EZR: variants seen among roughly 807,000 people sequenced by gnomAD.
EZR encodes cytovillin 2.
Under a neutral mutation model 74.8 loss-of-function variants are expected in EZR, and 40 were observed. The ratio of observed to expected loss-of-function variants is 0.53; its 90% CI spans 0.42 to 0.70. EZR has a LOEUF of 0.70. EZR is among the 30% of genes least tolerant of loss of function. The pLI, the probability that EZR is intolerant of heterozygous loss-of-function variation, is 0.00. For missense variants in EZR, 678 were observed against 755.8 expected (o/e 0.90, Z 1.21); for synonymous variants, 341 against 283.3 (o/e 1.20, Z -2.05).
At chr6:158,769,483 G>A (rs1791027673) in intron 11 of EZR, 65 bp from the exon 12 acceptor site, 1 of 1,493,540 alleles carries the variant, frequency 6.7e-7, no homozygotes, top group Non-Finnish European at 9.2e-7. Context: ...AGTTGTGAAT[G>A]AGTGTTCATG....
chr6:158,812,240 C>G (rs1777464933), intron 2 of EZR, among the ~76,000 whole-genome samples: 1 of 152,186 alleles, frequency 6.6e-6, no homozygotes, highest in Non-Finnish European at 1.5e-5. Flanking sequence ...GGCATTTCAG[C>G]CGGACTGTAA....
At chr6:158,785,710 A>G in intron 4 of EZR, 127 bp from the exon 5 acceptor site, 1 of 1,247,152 alleles carries the variant, frequency 8.0e-7, no homozygotes, top group South Asian at 1.5e-5. Flanking sequence ...TTATTCTTAA[A>G]GTCATCTTTT....
chr6:158,777,922 A>G, intron 7 of EZR, among the ~76,000 whole-genome samples: 1 of 150,494 alleles, frequency 6.6e-6, no homozygotes, highest in Non-Finnish European at 1.5e-5. Flanking sequence ...TTAAAAAAAA[A>G]CACACCTGGC....
intron 5 of EZR, 54 bp from the exon 6 acceptor site, chr6:158,784,781 G>A: frequency 1.3e-6 from 2 of 1,490,042 alleles, no homozygotes; most frequent in South Asian, 1.1e-5. Flanking sequence ...GACAGGCAAG[G>A]AAGGAGGCCC....
rs192713832 is a variant in EZR, at chr6:158,767,417, C to T, written c.1440G>A (p.Pro480=). 846 of 1,576,582 alleles carry T rather than the reference C, an allele frequency of 5.4e-4. 1 individual carries two copies. The highest frequency in any genetic ancestry group is 6.4e-4 in the Non-Finnish European group (736 of 1,153,360). ...AGCTCTCCTGGACATGGTAGCTCAC[C>T]GGCTCGTACACGGGGGGTGGTGGGG... The part of the protein sequence containing the change: ...PPPPPPPVYE[P]VSYHVQESLQ... The change falls in exon 13 of 14, where the codon CCG becomes CCA. Residue 480 remains proline (P), a synonymous_variant. Coordinates refer to ENST00000367075, the MANE Select transcript of EZR (RefSeq NM_001111077.2).
At chr6:158,796,969 T>C (rs924250535) in intron 2 of EZR, among the ~76,000 whole-genome samples, 4 of 152,212 alleles carry the variant, frequency 2.6e-5, no homozygotes, top group African/African-American at 9.7e-5. Context: ...AAGTTGACAA[T>C]CAAATTTTGT....
intron 3 of EZR, 122 bp downstream of exon 3, chr6:158,789,166 C>CT: frequency 1.5e-6 from 1 of 678,282 alleles, no homozygotes; most frequent in East Asian, 2.8e-5. Context: ...TTAAAAGATC[C>CT]TTCTCATCTA....
chr6:158,805,337 GAA>G (rs56269785), intron 2 of EZR, among the ~76,000 whole-genome samples: 1,666 of 116,430 alleles, frequency 0.014, 32 homozygotes, highest in African/African-American at 0.055. Context: ...TCCATCTCAG[GAA>G]AAAAAAAAAA....
At chr6:158,788,250 G>A (rs1403943722) in intron 3 of EZR, 1 of 152,150 alleles carries the variant, frequency 6.6e-6, no homozygotes, top group African/African-American at 2.4e-5. Flanking sequence ...CATCTGAAGG[G>A]TGCAGGGAGG....
At chr6:158,775,346 AAAG>A (rs1437685625) in intron 8 of EZR, among the ~76,000 whole-genome samples, 1 of 152,202 alleles carries the variant, frequency 6.6e-6, no homozygotes, top group Non-Finnish European at 1.5e-5. Context: ...CGTTTTTAAC[AAAG>A]AAGAAAATAC....
rs1315726896 is a variant in EZR at position 158,766,026 on chromosome 6, A to G, written c.*888T>C. 1 of 152,686 alleles carries G rather than the reference A, an allele frequency of 6.5e-6. No homozygotes were observed. The highest frequency in any genetic ancestry group is 1.5e-5 in the Non-Finnish European group (1 of 68,052). The allele number at this position is 152,686 out of a possible 1,614,324, so 9.5% of individuals were successfully genotyped here. On this transcript the variant is annotated 3_prime_UTR_variant, in exon 14 of 14. Transcript: ENST00000367075. ...AAAGTGTGCATAGTCCATTACATGC[A>G]TAAAACACTAATAATAATCCTGTTT... is the stretch of plus-strand genomic sequence containing the variant.
At chr6:158,796,303 A>T (rs1388724109) in intron 2 of EZR, among the ~76,000 whole-genome samples, 1 of 152,226 alleles carries the variant, frequency 6.6e-6, no homozygotes, top group Non-Finnish European at 1.5e-5. Flanking sequence ...AAGGTGTTAA[A>T]CCCCAAGCTG....
intron 2 of EZR, among the ~76,000 whole-genome samples, chr6:158,794,183 A>C (rs560531954): frequency 6.6e-6 from 1 of 152,304 alleles, no homozygotes; most frequent in East Asian, 1.9e-4. Context: ...TGGGAGGCTG[A>C]GGCAGGAGAA....
intron 7 of EZR, among the ~76,000 whole-genome samples, chr6:158,777,668 T>C (rs1283114396): frequency 6.6e-6 from 1 of 152,184 alleles, no homozygotes; most frequent in Admixed American, 6.5e-5. Context: ...ACAGCTTCAA[T>C]ACTGATGAGC....
At chr6:158,812,200 C>T (rs560769271) in intron 2 of EZR, among the ~76,000 whole-genome samples, 6 of 152,272 alleles carry the variant, frequency 3.9e-5, no homozygotes, top group Admixed American at 2.6e-4. Context: ...AGCCCCTATT[C>T]GAGTCCCAAA....
intron 7 of EZR, among the ~76,000 whole-genome samples, chr6:158,779,050 T>C (rs1333814795): frequency 6.6e-6 from 1 of 152,188 alleles, no homozygotes; most frequent in African/African-American, 2.4e-5. Flanking sequence ...AAGGGAAGGA[T>C]AGTGATTTTA....
chr6:158,776,548 G>A (rs1329241075), intron 7 of EZR, 44 bp from the exon 8 acceptor site: 1 of 1,376,790 alleles, frequency 7.3e-7, no homozygotes, highest in Admixed American at 2.0e-5. Context: ...GTATACATAT[G>A]TTCTTGGATT....
intron 2 of EZR, among the ~76,000 whole-genome samples, chr6:158,817,167 G>A (rs143619399): frequency 1.0e-3 from 153 of 152,276 alleles, no homozygotes; most frequent in African/African-American, 3.3e-3. Flanking sequence ...AGATGTATCT[G>A]TAATCCCAAT....
intron 2 of EZR, among the ~76,000 whole-genome samples, chr6:158,803,529 A>T (rs9457466): frequency 0.42 from 8,371 of 20,082 alleles, 982 homozygotes; most frequent in Middle Eastern, 0.52. Context: ...ATGTAACATT[A>T]TATATATATA....
Sources: allele counts gnomAD v4.1 joint callset (sites outside exome capture counted in the v4.1 genomes callset), GRCh38; gene constraint gnomAD v4.1.1; transcripts MANE v1.5; gene names NCBI Gene and HGNC (gene_info 2026-07-23, HGNC 2026-07-21).